DNAH5: variants seen among roughly 807,000 people sequenced by gnomAD.
DNAH5 encodes dynein axonemal heavy chain 5.
A neutral mutation model predicts 518.2 loss-of-function variants in DNAH5; 372 were observed. That is an observed-to-expected ratio of 0.72 (90% CI 0.66 to 0.78). The LOEUF is 0.78. Among genes scored for constraint, DNAH5 ranks in the 30% least tolerant of loss-of-function variants. DNAH5 has a pLI of 0.00. For missense variants in DNAH5, 5,523 were observed against 5,687.0 expected (o/e 0.97, Z 0.93); for synonymous variants, 2,039 against 2,025.9 (o/e 1.01, Z -0.17).
At chr5:13,712,598 C>T (rs1331982567) in intron 75 of DNAH5, among the ~76,000 whole-genome samples, 1 of 152,104 alleles carries the variant, frequency 6.6e-6, no homozygotes, top group Non-Finnish European at 1.5e-5. Flanking sequence ...TATCCAGAAT[C>T]ACAACGAACT....
intron 3 of DNAH5, 94 bp downstream of exon 3, chr5:13,928,000 A>G: frequency 9.2e-7 from 1 of 1,086,204 alleles, no homozygotes; most frequent in South Asian, 1.3e-5. Context: ...GCAAGGTGAA[A>G]CAGGTCCGTT....
At chr5:13,880,463 C>T (rs1355294401) in intron 21 of DNAH5, among the ~76,000 whole-genome samples, 4 of 151,646 alleles carry the variant, frequency 2.6e-5, no homozygotes, top group Admixed American at 6.6e-5. Context: ...AGTTAAGAGG[C>T]AAAACTACTA....
chr5:14,008,641 A>C (rs1330964694), intron 1 of DNAH5, among the ~76,000 whole-genome samples: 1 of 152,150 alleles, frequency 6.6e-6, no homozygotes, highest in Non-Finnish European at 1.5e-5. Flanking sequence ...CTCAAAAAAA[A>C]AAGAAAAACA....
At chr5:13,692,169 A>C in intron 78 of DNAH5, 34 bp from the exon 79 acceptor site, 1 of 1,612,540 alleles carries the variant, frequency 6.2e-7, no homozygotes, top group Non-Finnish European at 8.5e-7. Flanking sequence ...AACTTGGTGA[A>C]ATTTCCACTT....
At chr5:13,713,246 T>C (rs917532931) in intron 75 of DNAH5, among the ~76,000 whole-genome samples, 1 of 146,570 alleles carries the variant, frequency 6.8e-6, no homozygotes, top group Non-Finnish European at 1.5e-5. Context: ...TATACCAACA[T>C]ATATATATAC....
At chr5:13,793,912 A>C (rs1757427550) in intron 48 of DNAH5, 24 bp downstream of exon 48, 3 of 1,613,354 alleles carry the variant, frequency 1.9e-6, no homozygotes, top group Non-Finnish European at 2.5e-6. Flanking sequence ...TAAAGAAATA[A>C]AATGCACAAT....
chr5:13,759,120 A>G, intron 60 of DNAH5, 137 bp from the exon 61 acceptor site: 2 of 1,166,054 alleles, frequency 1.7e-6, no homozygotes, highest in South Asian at 1.3e-5. Context: ...TTCAAATCAC[A>G]TTAAGTCCTG....
intron 52 of DNAH5, 73 bp downstream of exon 52, chr5:13,786,106 G>C: frequency 1.4e-6 from 2 of 1,420,836 alleles, no homozygotes; most frequent in Non-Finnish European, 2.0e-6. Flanking sequence ...GAAAATAAGA[G>C]AGGGAGAGGA....
intron 75 of DNAH5, 75 bp downstream of exon 75, chr5:13,714,328 TCC>T: frequency 7.0e-7 from 1 of 1,423,906 alleles, no homozygotes; most frequent in Admixed American, 1.7e-5. Context: ...TTTTTTGCCC[TCC>T]TTTCTTCTTC....
intron 44 of DNAH5, among the ~76,000 whole-genome samples, chr5:13,810,687 G>C (rs192806866): frequency 1.3e-5 from 2 of 151,956 alleles, no homozygotes; most frequent in East Asian, 3.9e-4. Context: ...TTGGGAGGCG[G>C]AGCTTGCAGT....
intron 35 of DNAH5, among the ~76,000 whole-genome samples, chr5:13,832,563 G>A (rs1238149277): frequency 6.6e-6 from 1 of 152,206 alleles, no homozygotes; most frequent in African/African-American, 2.4e-5. Flanking sequence ...TTCATGAACA[G>A]GGTTTGAACT....
In DNAH5 at chr5:13,839,343, A is replaced by G; in HGVS notation, c.5882+13T>C. On this transcript the variant is annotated intron_variant, in intron 35 of 78. Coordinates refer to ENST00000265104, the MANE Select transcript of DNAH5 (RefSeq NM_001369.3). ...ATAAAAATGGTGGGGGTTGGGGAGA[A>G]GGGTTCCATCACCTGTCTGTAAGTG... is the stretch of plus-strand genomic sequence containing the variant. 2 of 1,613,454 alleles carry G rather than the reference A, an allele frequency of 1.2e-6. No homozygotes were observed. Among genetic ancestry groups the G allele is most frequent in the Non-Finnish European group, 1.7e-6 (2 of 1,179,514 alleles).
chr5:13,714,652 C>A (rs1744051883), intron 74 of DNAH5, 32 bp from the exon 75 acceptor site: 1 of 1,605,854 alleles, frequency 6.2e-7, no homozygotes. Flanking sequence ...TAAGCACAGA[C>A]TGCCAACATA....
At chr5:13,952,739 C>A (rs1159579041) in intron 1 of DNAH5, among the ~76,000 whole-genome samples, 1 of 152,152 alleles carries the variant, frequency 6.6e-6, no homozygotes, top group Non-Finnish European at 1.5e-5. Context: ...ATTTACATTG[C>A]CAAGGAGGAC....
rs1781302941 is a variant in DNAH5, at chr5:13,963,236, G to A, written c.13-31992C>T. 2.0e-5 allele frequency among the ~76,000 whole-genome samples: 3 copies of A among 152,084 alleles called. No individual in the cohort carries two copies. The South Asian group carries it at 6.2e-4, about 31-fold the overall frequency. ...AAAACAAAAAGACAAACAAAACAGA[G>A]CATATGGTCCTCCATGCCTCTTGCC... On this transcript the variant is annotated intron_variant, in intron 1 of 78. Coordinates refer to the DNAH5 transcript ENST00000681290.
chr5:13,799,487 C>A (rs1292399299), intron 47 of DNAH5, among the ~76,000 whole-genome samples: 4 of 152,224 alleles, frequency 2.6e-5, no homozygotes, highest in African/African-American at 9.6e-5. Context: ...GATAGGAAAT[C>A]ATCCCTATCA....
intron 47 of DNAH5, among the ~76,000 whole-genome samples, chr5:13,805,322 AC>A (rs943750910): frequency 1.7e-4 from 26 of 152,134 alleles, no homozygotes; most frequent in African/African-American, 6.3e-4. Flanking sequence ...TCATGGTGAA[AC>A]CCCATCTCTA....
At chr5:13,835,260 C>T (rs1311587460) in intron 35 of DNAH5, among the ~76,000 whole-genome samples, 1 of 145,840 alleles carries the variant, frequency 6.9e-6, no homozygotes, top group African/African-American at 2.6e-5. Context: ...GCCTGGGCGA[C>T]AGAGTGAGAC....
At chr5:13,726,420 A>G (rs145941658) in intron 70 of DNAH5, among the ~76,000 whole-genome samples, 88 of 152,358 alleles carry the variant, frequency 5.8e-4, no homozygotes, top group African/African-American at 2.0e-3. Context: ...GGGATCGGAG[A>G]AGCTAAAGGG....
Sources: allele counts gnomAD v4.1 joint callset (sites outside exome capture counted in the v4.1 genomes callset), GRCh38; gene constraint gnomAD v4.1.1; transcripts MANE v1.5; gene names NCBI Gene and HGNC (gene_info 2026-07-23, HGNC 2026-07-21).